Variants in FAXC observed in about 807,000 individuals in gnomAD.
The protein encoded by FAXC is failed axon connections homolog, metaxin like GST domain containing, also known as failed axon connections homolog.
A neutral mutation model predicts 41.9 loss-of-function variants in FAXC; 10 were observed. The observed-to-expected ratio is 0.24, with a 90% CI of 0.15 to 0.41. FAXC has a LOEUF of 0.41. FAXC is among the 10% of genes least tolerant of loss of function. The pLI is 1.00. For missense variants in FAXC, 399 were observed against 510.9 expected (o/e 0.78, Z 2.11); for synonymous variants, 183 against 183.8 (o/e 1.00, Z 0.03).
chr6:99,290,958 C>T (rs923689181), intron 5 of FAXC, among the ~76,000 whole-genome samples: 1 of 151,878 alleles, frequency 6.6e-6, no homozygotes, highest in African/African-American at 2.4e-5. Flanking sequence ...ATTACAGGTG[C>T]ATGCCACCAT....
intron 4 of FAXC, among the ~76,000 whole-genome samples, chr6:99,310,624 T>G (rs1250619972): frequency 6.6e-6 from 1 of 152,250 alleles, no homozygotes; most frequent in Non-Finnish European, 1.5e-5. Context: ...CTCATTACTT[T>G]CAATGTCTAT....
intron 4 of FAXC, among the ~76,000 whole-genome samples, chr6:99,297,916 T>C (rs1225033161): frequency 6.6e-6 from 1 of 152,162 alleles, no homozygotes; most frequent in Non-Finnish European, 1.5e-5. Context: ...GCGAATTGCT[T>C]AGAGCGAGGC....
intron 3 of FAXC, among the ~76,000 whole-genome samples, chr6:99,325,026 A>C (rs566531044): frequency 3.3e-4 from 50 of 152,312 alleles, no homozygotes; most frequent in Non-Finnish European, 6.2e-4. Context: ...ATCAATCAAT[A>C]AATAAAAACT....
intron 4 of FAXC, among the ~76,000 whole-genome samples, chr6:99,296,362 G>A (rs769946003): frequency 6.6e-6 from 1 of 152,090 alleles, no homozygotes; most frequent in African/African-American, 2.4e-5. Flanking sequence ...GGCACTGTGA[G>A]CTTCATTTTT....
chr6:99,303,849 T>A (rs1367295241), intron 4 of FAXC, among the ~76,000 whole-genome samples: 2 of 152,228 alleles, frequency 1.3e-5, no homozygotes, highest in Non-Finnish European at 2.9e-5. Context: ...CTCTTTAAGC[T>A]CTACCTCTAT....
At chr6:99,306,903 C>A (rs970615584) in intron 4 of FAXC, among the ~76,000 whole-genome samples, 1 of 152,166 alleles carries the variant, frequency 6.6e-6, no homozygotes, top group African/African-American at 2.4e-5. Context: ...CATCCAACAA[C>A]CGGGGATCAC....
intron 4 of FAXC, among the ~76,000 whole-genome samples, chr6:99,304,916 G>A (rs1771856188): frequency 6.6e-6 from 1 of 152,202 alleles, no homozygotes. Context: ...GGAGGCTGGG[G>A]GAGGTTAGGA....
At chr6:99,306,753 T>C (rs1324071277) in intron 4 of FAXC, among the ~76,000 whole-genome samples, 1 of 152,226 alleles carries the variant, frequency 6.6e-6, no homozygotes, top group Admixed American at 6.5e-5. Context: ...ACAAGCTTGG[T>C]GTCCCTGGGC....
chr6:99,336,504 GA>G (rs1177115409), intron 2 of FAXC, among the ~76,000 whole-genome samples: 2 of 152,286 alleles, frequency 1.3e-5, no homozygotes, highest in African/African-American at 4.8e-5. Flanking sequence ...GGTAGTTTCT[GA>G]AAGTAATTTT....
chr6:99,314,641 A>G (rs1218049096), intron 4 of FAXC, among the ~76,000 whole-genome samples: 5 of 152,082 alleles, frequency 3.3e-5, no homozygotes, highest in Admixed American at 2.6e-4. Context: ...CCAACTTTCA[A>G]CCTCTGCTGG....
At chr6:99,311,665 C>A (rs1379019551) in intron 4 of FAXC, among the ~76,000 whole-genome samples, 3 of 152,172 alleles carry the variant, frequency 2.0e-5, no homozygotes, top group Admixed American at 2.0e-4. Context: ...AAACATCTCA[C>A]CATCTGTAAA....
chr6:99,329,706 G>C (rs1248781729), intron 3 of FAXC, among the ~76,000 whole-genome samples: 1 of 151,962 alleles, frequency 6.6e-6, no homozygotes, highest in Non-Finnish European at 1.5e-5. Context: ...TAAACAGAAA[G>C]AGTAGTCTCT....
intron 3 of FAXC, among the ~76,000 whole-genome samples, chr6:99,331,579 T>C (rs1188767251): frequency 6.6e-6 from 1 of 152,228 alleles, no homozygotes; most frequent in East Asian, 1.9e-4. Flanking sequence ...CTAAGGGGAA[T>C]ATATATTTTC....
intron 5 of FAXC, among the ~76,000 whole-genome samples, chr6:99,284,622 G>A (rs1249208807): frequency 6.8e-6 from 1 of 148,136 alleles, no homozygotes; most frequent in African/African-American, 2.5e-5. Context: ...TAATATAAAT[G>A]CCTATACAGG....
intron 4 of FAXC, among the ~76,000 whole-genome samples, chr6:99,319,289 C>T (rs1178089385): frequency 6.6e-6 from 1 of 150,620 alleles, no homozygotes; most frequent in African/African-American, 2.4e-5. Flanking sequence ...GTCCCAGCTA[C>T]TTACGAGGGT....
At chr6:99,347,502 A>G (rs9494179) in intron 1 of FAXC, among the ~76,000 whole-genome samples, 3,777 of 152,248 alleles carry the variant, frequency 0.025, 179 homozygotes, top group African/African-American at 0.087. Flanking sequence ...TAGTCCCCTA[A>G]ATGAGTTAGT....
chr6:99,275,917 T>C lies in FAXC; in HGVS notation c.*5247A>G, dbSNP rs928728666. On this transcript the variant is annotated 3_prime_UTR_variant, in exon 6 of 6. Transcript: ENST00000389677. Reference sequence around the variant, plus strand: ...GAATCCTTTTGAACTTCCCAAGTTATATCCAGACCACTGGAAGCAACTGAA... The same window carrying C: ...GAATCCTTTTGAACTTCCCAAGTTACATCCAGACCACTGGAAGCAACTGAA... 25 of 152,288 alleles carry C rather than the reference T, an allele frequency of 1.6e-4. No individual in the cohort carries two copies. The highest frequency in any genetic ancestry group is 5.8e-4 in the African/African-American group (24 of 41,542). The allele number at this position is 152,288 out of a possible 1,614,324, so 9.4% of individuals were successfully genotyped here.
At chr6:99,289,512 T>C (rs1411612136) in intron 5 of FAXC, among the ~76,000 whole-genome samples, 1 of 152,082 alleles carries the variant, frequency 6.6e-6, no homozygotes, top group Non-Finnish European at 1.5e-5. Context: ...TTTAATTAGC[T>C]GGACATGATG....
In FAXC at chr6:99,273,053, T is replaced by C. The variant is rs1770470463; in HGVS notation, c.*8111A>G. ...TCTATCTTACAATCAAGTGTACAAG[T>C]TTAAATATGGCTTTATAAACTACTA... On this transcript the variant is annotated 3_prime_UTR_variant, in exon 6 of 6. Coordinates refer to ENST00000389677, the MANE Select transcript of FAXC (RefSeq NM_032511.4). The C allele has an allele frequency of 1.3e-5, 2 of 152,156 alleles. No homozygotes were observed. Among genetic ancestry groups the C allele is most frequent in the Admixed American group, 1.3e-4 (2 of 15,274 alleles). 9.4% of individuals were successfully genotyped at this position (152,156 alleles called of 1,614,324 possible).
Sources: allele counts gnomAD v4.1 joint callset (sites outside exome capture counted in the v4.1 genomes callset), GRCh38; gene constraint gnomAD v4.1.1; transcripts MANE v1.5; gene names NCBI Gene and HGNC (gene_info 2026-07-23, HGNC 2026-07-21).